Variants in EPHA6 observed in about 807,000 individuals in gnomAD.
The protein encoded by EPHA6 is EPH receptor A6.
In EPHA6, 50 loss-of-function variants were observed where a neutral mutation model predicts 112.0. The observed-to-expected ratio is 0.45, with a 90% confidence interval of 0.36 to 0.56. The LOEUF is 0.56. EPHA6 is among the 20% of genes least tolerant of loss of function. The probability of loss-of-function intolerance (pLI) is 0.00; values close to 1 mark genes in which losing one functional copy is unlikely to be tolerated. For missense variants in EPHA6, 1,280 were observed against 1,417.4 expected (o/e 0.90, Z 1.56); for synonymous variants, 529 against 490.7 (o/e 1.08, Z -1.03).
chr3:97,248,394 C>T (rs1321086752), intron 5 of EPHA6, among the ~76,000 whole-genome samples: 4 of 151,918 alleles, frequency 2.6e-5, no homozygotes, highest in Non-Finnish European at 5.9e-5. Context: ...GATAGGAAAA[C>T]GAAGGTGTGT....
At chr3:97,635,969 C>A (rs1303227041) in intron 13 of EPHA6, among the ~76,000 whole-genome samples, 1 of 151,846 alleles carries the variant, frequency 6.6e-6, no homozygotes, top group East Asian at 1.9e-4. Context: ...AGGGAATTTT[C>A]TGACTCATTA....
intron 3 of EPHA6, among the ~76,000 whole-genome samples, chr3:97,185,104 T>TA (rs2077089913): frequency 7.4e-6 from 1 of 135,892 alleles, no homozygotes; most frequent in Non-Finnish European, 1.5e-5. Context: ...CCTAAAGCCA[T>TA]AAAAACCCTA....
intron 11 of EPHA6, among the ~76,000 whole-genome samples, chr3:97,562,497 A>C (rs2093205465): frequency 6.6e-6 from 1 of 152,162 alleles, no homozygotes; most frequent in Admixed American, 6.6e-5. Context: ...ATGGGGCTGA[A>C]TTATTGTAAT....
chr3:97,554,888 T>C (rs2093081163), intron 11 of EPHA6, among the ~76,000 whole-genome samples: 1 of 151,994 alleles, frequency 6.6e-6, no homozygotes, highest in South Asian at 2.1e-4. Flanking sequence ...GGCTGCCCAA[T>C]TCCAGAGATA....
At chr3:97,219,131 C>A (rs1030995702) in intron 3 of EPHA6, among the ~76,000 whole-genome samples, 18 of 152,238 alleles carry the variant, frequency 1.2e-4, no homozygotes, top group African/African-American at 4.3e-4. Flanking sequence ...CCACTCCTGG[C>A]TGCTTTTATG....
intron 2 of EPHA6, among the ~76,000 whole-genome samples, chr3:96,967,821 C>G (rs989173082): frequency 6.6e-6 from 1 of 151,718 alleles, no homozygotes; most frequent in Non-Finnish European, 1.5e-5. Context: ...ACTTGATGTT[C>G]TTGAAGGAAC....
chr3:97,548,079 C>T (rs778545327), intron 11 of EPHA6, among the ~76,000 whole-genome samples: 12 of 152,168 alleles, frequency 7.9e-5, no homozygotes, highest in Non-Finnish European at 1.6e-4. Context: ...CTGTCCTGCA[C>T]CTACTGTCTG....
chr3:96,905,038 CTATT>C (rs1174091640), intron 2 of EPHA6, among the ~76,000 whole-genome samples: 2 of 152,004 alleles, frequency 1.3e-5, no homozygotes, highest in African/African-American at 4.8e-5. Flanking sequence ...CTGGTATTAA[CTATT>C]TATGAGAGTT....
chr3:96,825,983 C>G (rs2033634637), intron 1 of EPHA6, among the ~76,000 whole-genome samples: 1 of 151,680 alleles, frequency 6.6e-6, no homozygotes, highest in Admixed American at 6.6e-5. Context: ...TAGATTATCC[C>G]TCACTTTGAA....
intron 5 of EPHA6, among the ~76,000 whole-genome samples, chr3:97,284,510 A>C (rs996956426): frequency 6.6e-6 from 1 of 152,082 alleles, no homozygotes; most frequent in South Asian, 2.1e-4. Context: ...TTTTGTTTGT[A>C]ATTTTTAGCC....
chr3:97,639,804 A>G (rs1208958285), intron 14 of EPHA6, among the ~76,000 whole-genome samples: 1 of 152,168 alleles, frequency 6.6e-6, no homozygotes, highest in East Asian at 1.9e-4. Flanking sequence ...TAAAATTTAG[A>G]TTGGACCCCA....
chr3:97,097,172 C>T (rs910525307), intron 3 of EPHA6, among the ~76,000 whole-genome samples: 9 of 151,316 alleles, frequency 5.9e-5, no homozygotes, highest in African/African-American at 2.2e-4. Context: ...AGAGTATTAG[C>T]TTAGCTGATT....
At chr3:97,636,277 G>T (rs1166421801) in intron 13 of EPHA6, among the ~76,000 whole-genome samples, 2 of 152,064 alleles carry the variant, frequency 1.3e-5, no homozygotes. Flanking sequence ...TAGGTCGAAA[G>T]AACTTATACT....
chr3:96,848,820 T>C (rs2035227757), intron 1 of EPHA6, among the ~76,000 whole-genome samples: 1 of 152,130 alleles, frequency 6.6e-6, no homozygotes, highest in African/African-American at 2.4e-5. Context: ...TATTCTTAGG[T>C]CATCTGAATA....
chr3:97,507,891 G>C (rs975586848), intron 10 of EPHA6, among the ~76,000 whole-genome samples: 1 of 151,828 alleles, frequency 6.6e-6, no homozygotes, highest in Non-Finnish European at 1.5e-5. Flanking sequence ...AGCCTTGGGA[G>C]GGTGTACGTG....
chr3:97,607,160 T>G (rs1241521840), intron 12 of EPHA6, among the ~76,000 whole-genome samples: 2 of 149,402 alleles, frequency 1.3e-5, no homozygotes, highest in African/African-American at 4.9e-5. Context: ...GTTATCCTCT[T>G]TTTTTCACAA....
chr3:97,092,097 TAAAA>T (rs140070277), intron 3 of EPHA6, among the ~76,000 whole-genome samples: 165 of 138,940 alleles, frequency 1.2e-3, no homozygotes, highest in African/African-American at 4.0e-3. Flanking sequence ...TTTTTTTTTT[TAAAA>T]AAAAAAAGCA....
intron 2 of EPHA6, among the ~76,000 whole-genome samples, chr3:96,979,714 T>A (rs2042680051): frequency 6.6e-6 from 1 of 152,162 alleles, no homozygotes; most frequent in Admixed American, 6.5e-5. Context: ...CAGCACCTGT[T>A]GTTTCCTGAC....
intron 5 of EPHA6, among the ~76,000 whole-genome samples, chr3:97,286,352 GTATTTGTA>G (rs1391298459): frequency 6.6e-6 from 1 of 152,020 alleles, no homozygotes; most frequent in Non-Finnish European, 1.5e-5. Flanking sequence ...TTTTCTCCTA[GTATTTGTA>G]TATTTTCAAG....
Sources: allele counts gnomAD v4.1 joint callset (sites outside exome capture counted in the v4.1 genomes callset), GRCh38; gene constraint gnomAD v4.1.1; transcripts MANE v1.5; gene names NCBI Gene and HGNC (gene_info 2026-07-23, HGNC 2026-07-21).